EZR: variants seen among roughly 807,000 people sequenced by gnomAD.
EZR encodes ezrin, also known as cytovillin 2.
EZR carries 40 observed loss-of-function variants against 74.8 expected under a neutral mutation model. That is an observed-to-expected ratio of 0.53 (90% CI 0.42 to 0.70). EZR has a LOEUF of 0.70. EZR is among the 30% of genes least tolerant of loss of function. The probability of loss-of-function intolerance (pLI) is 0.00; values close to 1 mark genes in which losing one functional copy is unlikely to be tolerated. For missense variants in EZR, 678 were observed against 755.8 expected, an observed-to-expected ratio of 0.90 and a Z score of 1.21; for synonymous variants, 341 against 283.3, an observed-to-expected ratio of 1.20 and a Z score of -2.05.
Position 158,766,612 on chromosome 6 carries a change from G to C in EZR, c.*302C>G. The C allele has an allele frequency of 2.9e-6, 1 of 340,392 alleles. No homozygotes were observed. The highest frequency in any genetic ancestry group is 5.3e-6 in the Non-Finnish European group (1 of 187,670). The allele number at this position is 340,392 out of a possible 1,614,324, so 21.1% of individuals were successfully genotyped here. A position where few individuals can be genotyped will look rare whatever the true frequency, so the allele number is the denominator to read the frequency against. On this transcript the variant is annotated 3_prime_UTR_variant, in exon 14 of 14. Coordinates refer to ENST00000367075, the MANE Select transcript of EZR (RefSeq NM_001111077.2). ...CTTGTATCACACAGGCCAGCATGAAGTTTCTTACTCAGACTTTACAGGCAT... is the reference window on the plus strand; with the variant it reads ...CTTGTATCACACAGGCCAGCATGAACTTTCTTACTCAGACTTTACAGGCAT...
intron 2 of EZR, among the ~76,000 whole-genome samples, chr6:158,793,743 A>G (rs1791802509): frequency 6.6e-6 from 1 of 152,170 alleles, no homozygotes; most frequent in African/African-American, 2.4e-5. Context: ...CAAATGCTCT[A>G]TGGGGAAAAG....
chr6:158,804,669 A>G (rs897606841), intron 2 of EZR, among the ~76,000 whole-genome samples: 3 of 152,178 alleles, frequency 2.0e-5, no homozygotes, highest in African/African-American at 7.2e-5. Context: ...ATAGGGAACT[A>G]AAGGCCTATA....
intron 12 of EZR, 74 bp downstream of exon 12, chr6:158,769,252 C>T (rs1198675652): frequency 7.9e-5 from 106 of 1,341,198 alleles, no homozygotes; most frequent in African/African-American, 2.9e-5. Context: ...CACCCACCTG[C>T]AGAAGGGCCC....
At chr6:158,768,144 G>A (rs545769506) in intron 12 of EZR, among the ~76,000 whole-genome samples, 29 of 152,090 alleles carry the variant, frequency 1.9e-4, no homozygotes, top group East Asian at 7.8e-4. Flanking sequence ...ACTGGATTAC[G>A]GGGTGGTTTC....
chr6:158,791,706 A>ATTTTTTC (rs1791751770), intron 2 of EZR, among the ~76,000 whole-genome samples: 1 of 96,262 alleles, frequency 1.0e-5, no homozygotes, highest in South Asian at 3.9e-4. Context: ...TTCAGACTCC[A>ATTTTTTC]TTTTTTTTTT....
At chr6:158,793,779 AC>A (rs1452910566) in intron 2 of EZR, among the ~76,000 whole-genome samples, 1 of 152,186 alleles carries the variant, frequency 6.6e-6, no homozygotes, top group African/African-American at 2.4e-5. Context: ...CAGATTAAGT[AC>A]CACAGCATGG....
At chr6:158,787,990 T>C (rs961241650) in intron 3 of EZR, among the ~76,000 whole-genome samples, 4 of 152,228 alleles carry the variant, frequency 2.6e-5, no homozygotes, top group African/African-American at 9.6e-5. Context: ...TGGACATTTG[T>C]TGAACATCAT....
rs149428160 is a variant in EZR at position 158,798,872 on chromosome 6, G to A, written c.13-9501C>T. 3.2e-4 allele frequency among the ~76,000 whole-genome samples: 48 copies of A among 152,038 alleles called. No individual in the cohort carries two copies. The East Asian group carries it at 7.4e-3, about 23-fold the overall frequency. On this transcript the variant is annotated intron_variant, in intron 2 of 13. Coordinates refer to ENST00000367075, the MANE Select transcript of EZR (RefSeq NM_001111077.2). ...TCGAACTCCTGACCTCAAGGGATCC[G>A]CCCACCTCAGTTTCTCAAAGTGCTG...
intron 2 of EZR, among the ~76,000 whole-genome samples, chr6:158,803,660 T>A (rs1343943357): frequency 1.1e-4 from 9 of 80,260 alleles, no homozygotes; most frequent in East Asian, 2.7e-4. Flanking sequence ...TATACATATA[T>A]ATATATAAAA....
At position 158,783,531 on chromosome 6, in the gene EZR, C is replaced by G; in HGVS notation, c.687G>C (p.Glu229Asp). 6.2e-7 allele frequency: 1 copy of G among 1,612,224 alleles called. No homozygotes were observed. The highest frequency in any genetic ancestry group is 8.5e-7 in the Non-Finnish European group (1 of 1,179,026). Residue 229 changes from glutamate (E) to aspartate (D), a missense_variant, in exon 7 of 14, where the codon GAG becomes GAC. Glu to Asp is a conservative substitution (Grantham distance 45). Coordinates refer to ENST00000367075, the MANE Select transcript of EZR (RefSeq NM_001111077.2). ...GAACTTCAACTCACTTATCATCTTTCTCATAAATATTCAGTCCAAGGGCAT... is the reference window on the plus strand; with the variant it reads ...GAACTTCAACTCACTTATCATCTTTGTCATAAATATTCAGTCCAAGGGCAT... ...GVDALGLNIYEKDDKLTPKIG... is the reference protein window; with the variant it reads ...GVDALGLNIYDKDDKLTPKIG...
At chr6:158,768,014 A>G (rs932906795) in intron 12 of EZR, among the ~76,000 whole-genome samples, 3 of 151,852 alleles carry the variant, frequency 2.0e-5, no homozygotes, top group Non-Finnish European at 4.4e-5. Flanking sequence ...CAAAAACCTA[A>G]GAACCAAAGT....
At chr6:158,794,586 T>C (rs369140495) in intron 2 of EZR, among the ~76,000 whole-genome samples, 7 of 152,160 alleles carry the variant, frequency 4.6e-5, no homozygotes, top group African/African-American at 1.4e-4. Context: ...ATCCAAACTA[T>C]GTGCAGACTG....
chr6:158,817,793 G>A (rs370429645), intron 2 of EZR, among the ~76,000 whole-genome samples: 33 of 152,192 alleles, frequency 2.2e-4, no homozygotes, highest in African/African-American at 7.7e-4. Flanking sequence ...AAAAACAGAC[G>A]GAAGCAGTGT....
At position 158,766,136 on chromosome 6, in the gene EZR, A is replaced by G. The variant is rs889336862; in HGVS notation, c.*778T>C. On this transcript the variant is annotated 3_prime_UTR_variant, in exon 14 of 14. Coordinates refer to ENST00000367075, the MANE Select transcript of EZR (RefSeq NM_001111077.2). ...AGTGCCATGGTTTAGAGGGTTTTTC[A>G]TATGTAATTCTTTTATTCTGTAAAA... The G allele has an allele frequency of 1.3e-5, 2 of 152,630 alleles. No individual in the cohort carries two copies. The highest frequency in any genetic ancestry group is 2.9e-5 in the Non-Finnish European group (2 of 68,024). 9.5% of individuals were successfully genotyped at this position (152,630 alleles called of 1,614,324 possible).
Position 158,784,785 on chromosome 6 carries a change from G to A in EZR, c.468-58C>T, listed in dbSNP as rs146339493. On this transcript the variant is annotated intron_variant, in intron 5 of 13. Coordinates refer to ENST00000367075, the MANE Select transcript of EZR (RefSeq NM_001111077.2). ...TTAAGGAATGTGACAGGCAAGGAAGGAGGCCCACTTACCACCCACATTCAA... is the reference window on the plus strand; with the variant it reads ...TTAAGGAATGTGACAGGCAAGGAAGAAGGCCCACTTACCACCCACATTCAA... 3.1e-4 allele frequency: 455 copies of A among 1,446,108 alleles called. 2 individuals are homozygous for A. The Middle Eastern group carries it at 6.8e-3, about 22-fold the overall frequency. The allele number at this position is 1,446,108 out of a possible 1,614,324, so 89.6% of individuals were successfully genotyped here.
rs544080155 is a variant in EZR at position 158,793,590 on chromosome 6, T to C, written c.13-4219A>G. On this transcript the variant is annotated intron_variant, in intron 2 of 13. Transcript: ENST00000367075. ...CTAGTGTTTCCCACTGGGGGTGCTC[T>C]TGTCATTCTGGACAGCACAAGTATT... is the stretch of plus-strand genomic sequence containing the variant. Among the ~76,000 whole-genome samples the C allele has an allele frequency of 2.0e-5, 3 of 152,290 alleles. No homozygotes were observed. The East Asian group carries it at 5.8e-4, about 29-fold the overall frequency.
chr6:158,799,661 T>C (rs1261636704), intron 2 of EZR, among the ~76,000 whole-genome samples: 1 of 152,260 alleles, frequency 6.6e-6, no homozygotes, highest in Non-Finnish European at 1.5e-5. Flanking sequence ...TTTCCACAAA[T>C]GCTGGCTAAC....
intron 8 of EZR, among the ~76,000 whole-genome samples, chr6:158,772,770 T>C (rs1346869214): frequency 6.6e-6 from 1 of 152,152 alleles, no homozygotes; most frequent in Non-Finnish European, 1.5e-5. Context: ...TTCTGACCAT[T>C]TGGAACAGAG....
At chr6:158,777,877 T>C (rs1791324585) in intron 7 of EZR, among the ~76,000 whole-genome samples, 1 of 151,304 alleles carries the variant, frequency 6.6e-6, no homozygotes, top group African/African-American at 2.4e-5. Flanking sequence ...CATCCTTTCT[T>C]TTACAGTGCT....
Sources: allele counts gnomAD v4.1 joint callset (sites outside exome capture counted in the v4.1 genomes callset), GRCh38; gene constraint gnomAD v4.1.1; transcripts MANE v1.5; gene names NCBI Gene and HGNC (gene_info 2026-07-23, HGNC 2026-07-21).